Variants in DACH2 observed in about 807,000 individuals in gnomAD.
DACH2 encodes dachshund homolog 2.
A neutral mutation model predicts 35.8 loss-of-function variants in DACH2; 17 were observed. The ratio of observed to expected loss-of-function variants is 0.48; its 90% CI spans 0.33 to 0.71. The LOEUF (loss-of-function observed/expected upper bound fraction) is 0.71. Among genes scored for constraint, DACH2 ranks in the 30% least tolerant of loss-of-function variants. The pLI is 0.02. For synonymous variants in DACH2, 195 were observed against 177.3 expected, an observed-to-expected ratio of 1.10 and a Z score of -0.79; for missense variants, 469 against 472.7, an observed-to-expected ratio of 0.99 and a Z score of 0.07.
At chrX:86,648,801 A>AAC (rs2040444537) in intron 3 of DACH2, among the ~76,000 whole-genome samples, 1 of 111,235 alleles carries the variant, frequency 9.0e-6, no homozygotes, top group Non-Finnish European at 1.9e-5. Context: ...ATAAAAAATC[A>AAC]AATAAATTTT....
intron 1 of DACH2, among the ~76,000 whole-genome samples, chrX:86,226,402 G>A (rs753573790): frequency 5.5e-5 from 5 of 90,408 alleles, no homozygotes; most frequent in African/African-American, 1.7e-4. Flanking sequence ...TTACACAGCT[G>A]AAAAAAAAAG....
intron 3 of DACH2, among the ~76,000 whole-genome samples, chrX:86,599,152 C>T (rs1036980492): frequency 1.8e-4 from 20 of 111,062 alleles, no homozygotes; most frequent in Non-Finnish European, 2.3e-4. Context: ...TTAATGGCTG[C>T]GTAGTATTCC....
chrX:86,522,381 T>G (rs1265755669), intron 3 of DACH2, among the ~76,000 whole-genome samples: 1 of 111,737 alleles, frequency 8.9e-6, no homozygotes, highest in African/African-American at 3.2e-5. Context: ...TGCATCTTTA[T>G]TCACTAAGGT....
At chrX:86,633,488 C>T (rs1388234522) in intron 3 of DACH2, among the ~76,000 whole-genome samples, 1 of 111,311 alleles carries the variant, frequency 9.0e-6, no homozygotes, top group African/African-American at 3.3e-5. Flanking sequence ...CAAAAAAATC[C>T]TGGGACTAGA....
chrX:86,238,877 T>C (rs151264461), intron 1 of DACH2, among the ~76,000 whole-genome samples: 4 of 111,721 alleles, frequency 3.6e-5, no homozygotes, highest in African/African-American at 1.3e-4. Flanking sequence ...TATTTAAAAA[T>C]ATCAATATTG....
chrX:86,614,074 T>C (rs1034504509), intron 3 of DACH2, among the ~76,000 whole-genome samples: 6 of 112,038 alleles, frequency 5.4e-5, no homozygotes, highest in Non-Finnish European at 1.1e-4. Flanking sequence ...AGTAACGTCA[T>C]CATTTTCTTA....
In DACH2 at chrX:86,312,075, C is replaced by T. The variant is rs910488364; in HGVS notation, c.489-64749C>T. On this transcript the variant is annotated intron_variant, in intron 1 of 11. Coordinates refer to ENST00000373125, the MANE Select transcript of DACH2 (RefSeq NM_053281.3). ...GTGCTTGCTGAAGGCAACAGGAATA[C>T]GGAATGGGTAGTAGAAGAAGGTAGT... is the stretch of plus-strand genomic sequence containing the variant. Among the ~76,000 whole-genome samples the T allele has an allele frequency of 6.3e-5, 7 of 111,439 alleles. No individual in the cohort carries two copies. The South Asian group carries it at 1.5e-3, about 24-fold the overall frequency.
intron 3 of DACH2, among the ~76,000 whole-genome samples, chrX:86,598,890 G>C (rs1339471155): frequency 4.6e-5 from 5 of 108,735 alleles, no homozygotes; most frequent in Non-Finnish European, 9.5e-5. Flanking sequence ...TGCCATGTTG[G>C]TGTGCTGCAC....
intron 3 of DACH2, among the ~76,000 whole-genome samples, chrX:86,637,250 A>T (rs1250199077): frequency 1.3e-5 from 1 of 75,623 alleles, no homozygotes; most frequent in South Asian, 7.8e-4. Context: ...AAAAAAACAG[A>T]TGCTGGTTAG....
intron 3 of DACH2, among the ~76,000 whole-genome samples, chrX:86,538,720 C>T (rs2038838444): frequency 9.1e-6 from 1 of 110,158 alleles, no homozygotes; most frequent in African/African-American, 3.3e-5. Context: ...GTGGAGCTTT[C>T]ATGACCCAAA....
At chrX:86,480,339 G>C (rs887757502) in intron 2 of DACH2, among the ~76,000 whole-genome samples, 3 of 112,016 alleles carry the variant, frequency 2.7e-5, no homozygotes, top group Non-Finnish European at 5.6e-5. Flanking sequence ...TTCTCTGTCT[G>C]TTCTGAGCTT....
intron 6 of DACH2, among the ~76,000 whole-genome samples, chrX:86,719,932 C>CTTT (rs57079697): frequency 1.6e-4 from 12 of 75,571 alleles, no homozygotes; most frequent in East Asian, 3.9e-4. Flanking sequence ...TTTCTTTTTT[C>CTTT]TTTTTTTTTT....
chrX:86,689,425 A>T (rs1402643970), intron 4 of DACH2, among the ~76,000 whole-genome samples: 1 of 96,645 alleles, frequency 1.0e-5, no homozygotes, highest in African/African-American at 3.9e-5. Flanking sequence ...CCCGCTACAC[A>T]CACTTATACT....
chrX:86,295,894 A>T (rs2034443327), intron 1 of DACH2, among the ~76,000 whole-genome samples: 1 of 109,472 alleles, frequency 9.1e-6, no homozygotes, highest in Non-Finnish European at 1.9e-5. Context: ...AGGTACTATG[A>T]GTGCTCACCT....
intron 1 of DACH2, among the ~76,000 whole-genome samples, chrX:86,251,237 G>T (rs1311902501): frequency 9.0e-6 from 1 of 111,492 alleles, no homozygotes; most frequent in East Asian, 2.8e-4. Flanking sequence ...GTTTCATGGC[G>T]ATATCAAAGT....
At position 86,257,701 on chromosome X, in the gene DACH2, C is replaced by T. The variant is rs757417109; in HGVS notation, c.488+108593C>T. 4.4e-5 allele frequency among the ~76,000 whole-genome samples: 5 copies of T among 112,405 alleles called. No individual in the cohort carries two copies. The East Asian group carries it at 8.4e-4, about 19-fold the overall frequency. On this transcript the variant is annotated intron_variant, in intron 1 of 11. Coordinates refer to ENST00000373125, the MANE Select transcript of DACH2 (RefSeq NM_053281.3). ...AGGATTACAGGCGTGAGCCACCACA[C>T]CTGGCCTACAACTCTTGCTCTTAAT...
intron 7 of DACH2, among the ~76,000 whole-genome samples, chrX:86,765,866 T>C (rs1242965109): frequency 9.1e-6 from 1 of 109,443 alleles, no homozygotes; most frequent in Non-Finnish European, 1.9e-5. Flanking sequence ...TTTAACTATA[T>C]TGATACTTCC....
At chrX:86,646,191 T>C (rs2040412789) in intron 3 of DACH2, among the ~76,000 whole-genome samples, 1 of 111,152 alleles carries the variant, frequency 9.0e-6, no homozygotes, top group African/African-American at 3.3e-5. Context: ...AAGTCAGAAA[T>C]GAAAATTCAA....
intron 1 of DACH2, among the ~76,000 whole-genome samples, chrX:86,248,809 A>G (rs2033340536): frequency 9.0e-6 from 1 of 111,536 alleles, no homozygotes; most frequent in Admixed American, 9.6e-5. Context: ...ACAAGGCTAC[A>G]GTAACCAAAA....
Sources: allele counts gnomAD v4.1 joint callset (sites outside exome capture counted in the v4.1 genomes callset), GRCh38; gene constraint gnomAD v4.1.1; transcripts MANE v1.5; gene names NCBI Gene and HGNC (gene_info 2026-07-23, HGNC 2026-07-21).